The following GIGYF2 variants were observed in gnomAD, a reference collection of about 807,000 sequenced individuals.
GIGYF2 encodes the protein GRB10-interacting GYF protein 2.
A neutral mutation model predicts 208.1 loss-of-function variants in GIGYF2; 25 were observed. The ratio of observed to expected loss-of-function variants is 0.12; its 90% CI spans 0.09 to 0.17. GIGYF2 has a LOEUF of 0.17. Ranked by LOEUF, GIGYF2 falls within the 10% of genes least tolerant of loss-of-function variation. The pLI is 1.00. For missense variants in GIGYF2, 1,302 were observed against 1,579.4 expected, an observed-to-expected ratio of 0.82 and a Z score of 2.98; for synonymous variants, 534 against 543.8, an observed-to-expected ratio of 0.98 and a Z score of 0.25.
At chr2:232,700,143 T>C (rs1349953340) in intron 1 of GIGYF2, among the ~76,000 whole-genome samples, 2 of 152,212 alleles carry the variant, frequency 1.3e-5, no homozygotes, top group African/African-American at 4.8e-5. Flanking sequence ...CTCAAAATCA[T>C]GAGAAGATGG....
intron 3 of GIGYF2, among the ~76,000 whole-genome samples, chr2:232,744,549 T>C (rs1360675704): frequency 2.6e-5 from 4 of 151,878 alleles, no homozygotes; most frequent in African/African-American, 7.2e-5. Flanking sequence ...TTTCTTTCTT[T>C]TTTTTTTTGA....
intron 14 of GIGYF2, among the ~76,000 whole-genome samples, chr2:232,803,370 T>A (rs1700457324): frequency 6.6e-6 from 1 of 152,234 alleles, no homozygotes; most frequent in Non-Finnish European, 1.5e-5. Flanking sequence ...TTATAGGTTG[T>A]TCTTTTTTGT....
chr2:232,726,985 C>T lies in GIGYF2; in HGVS notation c.-43-8170C>T, dbSNP rs894857163. On this transcript the variant is annotated intron_variant, in intron 2 of 28. Coordinates refer to ENST00000373563, the MANE Select transcript of GIGYF2 (RefSeq NM_001103146.3). ...ACACAGCTTGCTTTTTTTTTGGGGG[C>T]GCAGAGTCTTGCTCTGTTGCCCAGG... Among the ~76,000 whole-genome samples the T allele has an allele frequency of 1.1e-4, 16 of 151,850 alleles. No individual in the cohort carries two copies. In the East Asian group the frequency reaches 1.5e-3, roughly 15 times the overall value.
intron 2 of GIGYF2, among the ~76,000 whole-genome samples, chr2:232,714,217 C>T (rs1696567936): frequency 6.6e-6 from 1 of 152,132 alleles, no homozygotes; most frequent in Non-Finnish European, 1.5e-5. Flanking sequence ...TCCCAAAGTG[C>T]TGGGATTACA....
intron 21 of GIGYF2, 108 bp downstream of exon 21, chr2:232,820,093 A>G: frequency 4.2e-6 from 5 of 1,199,716 alleles, no homozygotes; most frequent in Non-Finnish European, 4.8e-6. Flanking sequence ...TCAGGTTGCT[A>G]AAAATTAACC....
intron 23 of GIGYF2, among the ~76,000 whole-genome samples, chr2:232,842,403 A>G (rs1229465514): frequency 6.6e-6 from 1 of 152,036 alleles, no homozygotes; most frequent in East Asian, 1.9e-4. Flanking sequence ...GTGAGTCCTT[A>G]TTTTGTTCTT....
intron 14 of GIGYF2, among the ~76,000 whole-genome samples, chr2:232,804,090 T>A (rs1164576316): frequency 2.0e-5 from 3 of 152,208 alleles, no homozygotes; most frequent in Admixed American, 6.5e-5. Flanking sequence ...CTTCCCAGTT[T>A]AATCTTCTTT....
At position 232,759,738 on chromosome 2, in the gene GIGYF2, TA is replaced by T. The variant is rs781692379; in HGVS notation, c.380-741del. 2.2e-4 allele frequency among the ~76,000 whole-genome samples: 34 copies of T among 152,318 alleles called. 1 individual carries two copies. Among genetic ancestry groups the T allele is most frequent in the Admixed American group, 1.4e-3 (21 of 15,300 alleles). On this transcript the variant is annotated intron_variant, in intron 6 of 28. Coordinates refer to ENST00000373563, the MANE Select transcript of GIGYF2 (RefSeq NM_001103146.3). ...ATTTGCATTTTTGTACAACTATTTC[TA>T]TTAGGATAAATCCTAAGTAGAATTG...
chr2:232,817,624 G>A (rs1484676180), intron 20 of GIGYF2, among the ~76,000 whole-genome samples: 1 of 152,184 alleles, frequency 6.6e-6, no homozygotes, highest in African/African-American at 2.4e-5. Context: ...TCTTATGTAA[G>A]TAGAATTATA....
At chr2:232,830,235 A>G (rs1288709856) in intron 21 of GIGYF2, among the ~76,000 whole-genome samples, 5 of 152,116 alleles carry the variant, frequency 3.3e-5, no homozygotes, top group African/African-American at 1.2e-4. Flanking sequence ...CTCTCACTTC[A>G]GCTTCCTTAG....
intron 9 of GIGYF2, among the ~76,000 whole-genome samples, chr2:232,789,322 G>A (rs1186987440): frequency 6.6e-6 from 1 of 152,156 alleles, no homozygotes; most frequent in Non-Finnish European, 1.5e-5. Context: ...AGGAAAGTCA[G>A]TAAGAGGAGA....
chr2:232,817,056 A>G (rs1225003223), intron 20 of GIGYF2, 24 bp downstream of exon 20: 12 of 1,567,722 alleles, frequency 7.7e-6, no homozygotes, highest in Admixed American at 3.3e-5. Flanking sequence ...AACTCTGACC[A>G]TAGGATTAGT....
chr2:232,708,816 C>CA lies in GIGYF2; in HGVS notation c.-44+5339dup, dbSNP rs1327557571. 3.1e-3 allele frequency among the ~76,000 whole-genome samples: 441 copies of CA among 144,524 alleles called. 4 individuals carry two copies. Among genetic ancestry groups the CA allele is most frequent in the African/African-American group, 9.4e-3 (372 of 39,376 alleles). The allele number at this position is 144,524 out of a possible 152,430, so 94.8% of individuals were successfully genotyped here. ...TGGGTGACAGAATGAGACTCTGTCT[C>CA]AAAAAAAAAAAATTTTTTTTTCTGG... On this transcript the variant is annotated intron_variant, in intron 2 of 28. Transcript: ENST00000373563.
At chr2:232,763,428 A>G (rs1698824557) in intron 8 of GIGYF2, among the ~76,000 whole-genome samples, 1 of 152,204 alleles carries the variant, frequency 6.6e-6, no homozygotes, top group South Asian at 2.1e-4. Context: ...TTTTCTATAC[A>G]TATATATCTA....
intron 9 of GIGYF2, chr2:232,788,658 A>G (rs920848853): frequency 1.6e-5 from 7 of 424,914 alleles, no homozygotes; most frequent in Non-Finnish European, 3.5e-5. Flanking sequence ...TATTAAAGGG[A>G]GTTTAACAAA....
chr2:232,838,410 C>T (rs752605302), intron 22 of GIGYF2, among the ~76,000 whole-genome samples: 6 of 151,942 alleles, frequency 3.9e-5, no homozygotes, highest in South Asian at 2.1e-4. Flanking sequence ...CAGAGGTGCC[C>T]GTGAGGATAG....
chr2:232,818,640 T>A (rs879338335), intron 20 of GIGYF2, among the ~76,000 whole-genome samples: 41 of 152,262 alleles, frequency 2.7e-4, no homozygotes, highest in African/African-American at 7.2e-4. Context: ...TCTTTTTTTT[T>A]ATTTTTTTGG....
In GIGYF2 at chr2:232,796,106, T is replaced by C. The variant is rs1700214964; in HGVS notation, c.1524T>C (p.Asp508=). 4 of 1,609,732 alleles carry C rather than the reference T, an allele frequency of 2.5e-6. No individual in the cohort carries two copies. In the African/African-American group the frequency reaches 5.3e-5, roughly 22 times the overall value. ...MVAYLQDSAL[D]DERLASKLQE... is the part of the protein sequence containing the mutation. The stretch of plus-strand genomic sequence containing the variant: ...CTTATCTCCAAGACAGTGCACTAGA[T>C]GATGAAAGATTGGCATCAAAACTGC... The change falls in exon 14 of 29, where the codon GAT becomes GAC. Residue 508 remains aspartate, a synonymous_variant. Coordinates refer to ENST00000373563, the MANE Select transcript of GIGYF2 (RefSeq NM_001103146.3).
chr2:232,802,159 T>A (rs1206670247), intron 14 of GIGYF2, among the ~76,000 whole-genome samples: 1 of 152,118 alleles, frequency 6.6e-6, no homozygotes, highest in Non-Finnish European at 1.5e-5. Flanking sequence ...TTCTAACCTG[T>A]TTTTAGAAAA....
Sources: allele counts gnomAD v4.1 joint callset (sites outside exome capture counted in the v4.1 genomes callset), GRCh38; gene constraint gnomAD v4.1.1; transcripts MANE v1.5; gene names NCBI Gene and HGNC (gene_info 2026-07-23, HGNC 2026-07-21).